ADGRG1: variants seen among roughly 807,000 people sequenced by gnomAD.
ADGRG1 encodes 7-transmembrane protein with no EGF-like N-terminal domains-1.
ADGRG1 carries 53 observed loss-of-function variants against 73.5 expected under a neutral mutation model. The observed-to-expected ratio is 0.72, with a 90% CI of 0.58 to 0.91. The LOEUF is 0.91. ADGRG1 is among the 40% of genes least tolerant of loss of function. ADGRG1 has a pLI of 0.00. For synonymous variants in ADGRG1, 394 were observed against 374.4 expected (o/e 1.05, Z -0.60); for missense variants, 795 against 871.8 (o/e 0.91, Z 1.11).
chr16:57,662,687 C>T (rs927643173), intron 13 of ADGRG1, among the ~76,000 whole-genome samples: 10 of 151,404 alleles, frequency 6.6e-5, no homozygotes, highest in Admixed American at 1.3e-4. Flanking sequence ...GGCCAGATGG[C>T]GGCGGGTCGG....
At chr16:57,637,460 G>T in intron 1 of ADGRG1, 1 of 985,316 alleles carries the variant, frequency 1.0e-6, no homozygotes, top group Non-Finnish European at 1.2e-6. Flanking sequence ...TGCCTCGTCT[G>T]TACCTCCCCC....
intron 10 of ADGRG1, 143 bp downstream of exon 10, chr16:57,657,634 T>C (rs1597599174): frequency 1.3e-6 from 1 of 756,622 alleles, no homozygotes; most frequent in East Asian, 2.5e-5. Context: ...TGGGGTAAGC[T>C]GACCCTTGGG....
intron 9 of ADGRG1, chr16:57,657,172 C>T (rs559673064): frequency 8.3e-5 from 17 of 204,700 alleles, no homozygotes; most frequent in Non-Finnish European, 1.1e-4. Context: ...GTCAGGAAGC[C>T]GCTTGAGAAT....
At chr16:57,631,479 G>A (rs1233392094) in intron 1 of ADGRG1, 15 of 985,448 alleles carry the variant, frequency 1.5e-5, no homozygotes, top group Non-Finnish European at 1.7e-5. Context: ...TGGAAGTAGG[G>A]AGGAGAGGGG....
At chr16:57,623,430 G>C (rs1275881554), upstream of ADGRG1, among the ~76,000 whole-genome samples, 2 of 152,240 alleles carry the variant, frequency 1.3e-5, no homozygotes, top group African/African-American at 4.8e-5. Flanking sequence ...TGTCCTTGGA[G>C]CTCCAAATAA....
chr16:57,655,165 C>T lies in ADGRG1; in HGVS notation c.769-234C>T, dbSNP rs2045358290. 9 of 985,282 alleles carry T rather than the reference C, an allele frequency of 9.1e-6. No individual in the cohort carries two copies. The South Asian group carries it at 3.3e-4, about 36-fold the overall frequency. The allele number at this position is 985,282 out of a possible 1,614,324, so 61.0% of individuals were successfully genotyped here. ...ACAACAGAACATCATGTGGTTCTCC[C>T]AGGGCTATTTGCCCTGGAGTCCTGG... On this transcript the variant is annotated intron_variant, in intron 5 of 13. Coordinates refer to ENST00000562631, the MANE Select transcript of ADGRG1 (RefSeq NM_201525.4).
chr16:57,635,526 T>C (rs1567688625), intron 1 of ADGRG1: 4 of 985,224 alleles, frequency 4.1e-6, no homozygotes, highest in Non-Finnish European at 4.8e-6. Context: ...CCCGTCTCTG[T>C]CTACCTACCT....
chr16:57,621,299 T>A (rs2034757854), intron 1 of ADGRG1: 1 of 151,888 alleles, frequency 6.6e-6, no homozygotes, highest in African/African-American at 2.4e-5. Context: ...CTGGGATGTG[T>A]TGGGGGGCTG....
rs2045592201 is a variant in ADGRG1, at chr16:57,655,907, A to G, written c.932A>G (p.Lys311Arg). The change falls in exon 7 of 14, where the codon AAG (lysine) becomes AGG (arginine). Residue 311 changes from lysine to arginine, a missense_variant. By Grantham distance (26) the Lys-to-Arg change is conservative (BLOSUM62 2). Transcript: ENST00000562631. ...AATTCCAGCCAAGTCCTGGGTGAGA[A>G]GGTCTTGGGGATTGTGGTACAGAAC... ...DKNSSQVLGEKVLGIVVQNTK... is the reference protein window; with the variant it reads ...DKNSSQVLGERVLGIVVQNTK... The G allele has an allele frequency of 1.2e-6, 2 of 1,614,118 alleles. No individual in the cohort carries two copies. Among genetic ancestry groups the G allele is most frequent in the East Asian group, 4.5e-5 (2 of 44,872 alleles).
At chr16:57,637,945 G>T (rs755503706) in intron 1 of ADGRG1, among the ~76,000 whole-genome samples, 1 of 152,202 alleles carries the variant, frequency 6.6e-6, no homozygotes, top group Non-Finnish European at 1.5e-5. Context: ...TTGCACCCCT[G>T]AGCAACCCCA....
intron 1 of ADGRG1, chr16:57,637,731 C>CGGAGGGG: frequency 2.0e-6 from 2 of 982,718 alleles, no homozygotes; most frequent in Non-Finnish European, 2.4e-6. Flanking sequence ...CTCTGCTCCA[C>CGGAGGGG]GGAGGGGCGG....
At chr16:57,657,594 G>A (rs950280333) in intron 10 of ADGRG1, 103 bp downstream of exon 10, 1 of 908,684 alleles carries the variant, frequency 1.1e-6, no homozygotes, top group East Asian at 2.4e-5. Flanking sequence ...CGCATGACCT[G>A]GAACTGTGTG....
At chr16:57,643,661 G>A (rs3785326) in intron 1 of ADGRG1, 239,538 of 984,040 alleles carry the variant, frequency 0.24, 29,902 homozygotes, top group East Asian at 0.44. Context: ...GAGGCAGGCA[G>A]CTTGCTTCAT....
At chr16:57,659,799 A>C in intron 11 of ADGRG1, 118 bp downstream of exon 11, 1 of 1,063,606 alleles carries the variant, frequency 9.4e-7, no homozygotes. Flanking sequence ...GGCCTCCTTC[A>C]CTCATCCTCA....
Position 57,651,552 on chromosome 16 carries a change from T to C in ADGRG1, c.417T>C (p.Ser139=). The part of the protein sequence containing the change: ...LAQGPPLLAT[S]VTSWWSPQNI... ...AGGGCCCCCCGCTGTTAGCCACTTC[T>C]GTCACCTCCTGGTGGAGCCCTCAGA... Residue 139 remains serine, a synonymous_variant, in exon 3 of 14, where the codon TCT becomes TCC. Coordinates refer to ENST00000562631, the MANE Select transcript of ADGRG1 (RefSeq NM_201525.4). 1 of 1,614,176 alleles carries C rather than the reference T, an allele frequency of 6.2e-7. No homozygotes were observed. Among genetic ancestry groups the C allele is most frequent in the African/African-American group, 1.3e-5 (1 of 75,070 alleles).
rs142766863 is a variant in ADGRG1, at chr16:57,636,645, T to A, written c.-36+7843T>A. 3.0e-6 allele frequency: 3 copies of A among 985,262 alleles called. No individual in the cohort carries two copies. The East Asian group carries it at 3.4e-4, about 112-fold the overall frequency. The allele number at this position is 985,262 out of a possible 1,614,324, so 61.0% of individuals were successfully genotyped here. On this transcript the variant is annotated intron_variant, in intron 1 of 13. Coordinates refer to ENST00000562631, the MANE Select transcript of ADGRG1 (RefSeq NM_201525.4). ...ATCAGGAATGGCTATCTAGTATCTA[T>A]CAGGAATGGCTCCTTTTGGGAAGAG...
At position 57,650,460 on chromosome 16, in the gene ADGRG1, G is replaced by A. The variant is rs144106226; in HGVS notation, c.64+109G>A. 4.3e-5 allele frequency: 68 copies of A among 1,589,602 alleles called. 1 individual carries two copies. In the East Asian group the frequency reaches 1.3e-3, roughly 30 times the overall value. On this transcript the variant is annotated intron_variant, in intron 2 of 13. Transcript: ENST00000562631. ...TAACTCCTTTAGGCAGTTACAGCTC[G>A]GCTAGTGGAGGGTACCTTGGAGAAA...
chr16:57,631,271 A>T (rs13337417), intron 1 of ADGRG1: 17 of 985,708 alleles, frequency 1.7e-5, no homozygotes, highest in South Asian at 9.4e-5. Flanking sequence ...AAGGCAGGTA[A>T]GAGGAGTGGG....
intron 1 of ADGRG1, chr16:57,634,548 T>A (rs1189477062): frequency 4.5e-6 from 4 of 882,478 alleles, no homozygotes; most frequent in Non-Finnish European, 5.4e-6. Flanking sequence ...ATTTCACAGA[T>A]GAGGAATCAG....
Sources: allele counts gnomAD v4.1 joint callset (sites outside exome capture counted in the v4.1 genomes callset), GRCh38; gene constraint gnomAD v4.1.1; transcripts MANE v1.5; gene names NCBI Gene and HGNC (gene_info 2026-07-23, HGNC 2026-07-21).